LRP1B: variants seen among roughly 807,000 people sequenced by gnomAD.
LRP1B encodes low-density lipoprotein receptor-related protein 1B.
A neutral mutation model predicts 556.6 loss-of-function variants in LRP1B; 217 were observed. The observed-to-expected ratio is 0.39, with a 90% CI of 0.35 to 0.44. LRP1B has a LOEUF of 0.44. LRP1B is among the 20% of genes least tolerant of loss of function. The pLI is 1.00. For missense variants in LRP1B, 5,053 were observed against 5,620.8 expected (o/e 0.90, Z 3.23); for synonymous variants, 2,047 against 1,865.8 (o/e 1.10, Z -2.50).
At chr2:140,567,168 G>C (rs1681157870) in intron 43 of LRP1B, among the ~76,000 whole-genome samples, 1 of 152,100 alleles carries the variant, frequency 6.6e-6, no homozygotes, top group Non-Finnish European at 1.5e-5. Flanking sequence ...TTGAGTCCAA[G>C]CTGCTGAGAT....
chr2:141,012,194 TG>T (rs1697774203), intron 14 of LRP1B, among the ~76,000 whole-genome samples: 1 of 152,006 alleles, frequency 6.6e-6, no homozygotes. Context: ...CTAAAGCAAC[TG>T]GAAGCTTAAA....
chr2:140,315,251 C>G, intron 82 of LRP1B, 152 bp from the exon 83 acceptor site: 1 of 521,794 alleles, frequency 1.9e-6, no homozygotes, highest in Admixed American at 3.7e-5. Context: ...TAAATACTAT[C>G]TGAAAACAGA....
At chr2:141,597,761 T>A (rs1687576412) in intron 2 of LRP1B, among the ~76,000 whole-genome samples, 1 of 152,066 alleles carries the variant, frequency 6.6e-6, no homozygotes, top group Non-Finnish European at 1.5e-5. Context: ...CTTATGTAGT[T>A]TTTCAATACA....
intron 2 of LRP1B, among the ~76,000 whole-genome samples, chr2:141,481,699 C>T (rs1682923977): frequency 6.6e-6 from 1 of 152,128 alleles, no homozygotes; most frequent in African/African-American, 2.4e-5. Context: ...ATAAATGTAG[C>T]ATAGCAGAGT....
chr2:141,958,642 T>C (rs1161937033), intron 1 of LRP1B, among the ~76,000 whole-genome samples: 1 of 151,958 alleles, frequency 6.6e-6, no homozygotes, highest in Non-Finnish European at 1.5e-5. Flanking sequence ...AGAGCATGAG[T>C]TCTGTTTGTC....
intron 1 of LRP1B, among the ~76,000 whole-genome samples, chr2:142,119,481 A>T (rs1406209516): frequency 6.6e-6 from 1 of 152,164 alleles, no homozygotes; most frequent in Non-Finnish European, 1.5e-5. Flanking sequence ...TTGGACATCA[A>T]CTTATAAACC....
chr2:141,062,301 T>G (rs1187560782), intron 7 of LRP1B, 28 bp from the exon 8 acceptor site: 5 of 1,522,242 alleles, frequency 3.3e-6, no homozygotes, highest in Non-Finnish European at 4.5e-6. Flanking sequence ...AATGTTAAAG[T>G]GGAGGGTGGG....
chr2:140,249,895 C>G (rs955265125), intron 86 of LRP1B, among the ~76,000 whole-genome samples: 4 of 151,850 alleles, frequency 2.6e-5, no homozygotes, highest in Non-Finnish European at 5.9e-5. Context: ...AATGGCAGAG[C>G]ATTTAAGAAA....
intron 2 of LRP1B, among the ~76,000 whole-genome samples, chr2:141,656,476 G>T (rs942203077): frequency 6.6e-6 from 1 of 151,952 alleles, no homozygotes; most frequent in Admixed American, 6.6e-5. Context: ...TTGAATATCA[G>T]GTTATGATAT....
intron 2 of LRP1B, among the ~76,000 whole-genome samples, chr2:141,573,060 A>T (rs537147372): frequency 6.6e-6 from 1 of 152,302 alleles, no homozygotes; most frequent in African/African-American, 2.4e-5. Flanking sequence ...ATTAACAAGG[A>T]TATTCAAGAC....
intron 1 of LRP1B, among the ~76,000 whole-genome samples, chr2:142,019,763 C>A (rs1343092898): frequency 6.6e-6 from 1 of 152,152 alleles, no homozygotes; most frequent in Non-Finnish European, 1.5e-5. Context: ...ACCTGATCCT[C>A]TTCTGGATTA....
At chr2:141,024,901 T>C (rs1480824842) in intron 11 of LRP1B, among the ~76,000 whole-genome samples, 3 of 152,000 alleles carry the variant, frequency 2.0e-5, no homozygotes, top group Admixed American at 6.6e-5. Flanking sequence ...TCCAAGCCTA[T>C]TATAATGGGC....
chr2:140,444,331 A>G lies in LRP1B; in HGVS notation c.10293T>C (p.Cys3431=), dbSNP rs1345422580. The G allele has an allele frequency of 6.2e-7, 1 of 1,613,904 alleles. No individual in the cohort carries two copies. The highest frequency in any genetic ancestry group is 1.7e-5 in the Admixed American group (1 of 59,998). The part of the protein sequence containing the change: ...DCGDEEDERD[C]PENSCSPDYF... ...ACAGAGTATTTTGAGGTGACTTACG[A>G]CAGTCTCTTTCATCTTCCTCATCAC... Residue 3431 remains cysteine, a splice_region_variant and synonymous_variant, in exon 65 of 91, where the codon TGT becomes TGC. Coordinates refer to ENST00000389484, the MANE Select transcript of LRP1B (RefSeq NM_018557.3).
At chr2:140,951,986 G>A (rs751107385) in intron 18 of LRP1B, 46 bp from the exon 19 acceptor site, 7 of 1,303,994 alleles carry the variant, frequency 5.4e-6, no homozygotes, top group African/African-American at 2.9e-5. Context: ...GTTATTGACT[G>A]TGCATGACAT....
At chr2:141,069,307 C>A (rs981467038) in intron 7 of LRP1B, among the ~76,000 whole-genome samples, 1 of 152,066 alleles carries the variant, frequency 6.6e-6, no homozygotes, top group Admixed American at 6.6e-5. Context: ...AAACCTGACA[C>A]TGTGAAAGTG....
At chr2:141,711,882 C>A (rs917468292) in intron 2 of LRP1B, among the ~76,000 whole-genome samples, 4 of 151,930 alleles carry the variant, frequency 2.6e-5, no homozygotes, top group Admixed American at 6.6e-5. Flanking sequence ...AGGGCATTTG[C>A]TTTTTAACTG....
At chr2:142,037,818 G>C (rs747859709) in intron 1 of LRP1B, among the ~76,000 whole-genome samples, 3 of 151,468 alleles carry the variant, frequency 2.0e-5, no homozygotes, top group Non-Finnish European at 1.5e-5. Context: ...TTTAAGAGCT[G>C]TGCAGAGAAA....
At chr2:140,989,388 G>A (rs1022067361) in intron 17 of LRP1B, 144 bp downstream of exon 17, 1 of 802,452 alleles carries the variant, frequency 1.2e-6, no homozygotes, top group African/African-American at 1.7e-5. Context: ...AGCCTTTGTG[G>A]CATCAAACTC....
chr2:140,692,007 G>T (rs1333810156), intron 41 of LRP1B, among the ~76,000 whole-genome samples: 1 of 151,980 alleles, frequency 6.6e-6, no homozygotes, highest in Non-Finnish European at 1.5e-5. Flanking sequence ...TCCAGAGAAA[G>T]CAAGATGTTG....
Sources: gnomAD v4.1 joint callset for allele counts (sites outside exome capture counted in the v4.1 genomes callset) on GRCh38, gnomAD v4.1.1 for gene constraint, MANE v1.5 for transcripts, NCBI Gene and HGNC (gene_info 2026-07-23, HGNC 2026-07-21) for gene names.